The following PKIB variants were observed in gnomAD, a reference collection of about 807,000 sequenced individuals.
The protein encoded by PKIB is PKI-beta.
Under a neutral mutation model 4.5 loss-of-function variants are expected in PKIB, and 2 were observed. The observed-to-expected ratio is 0.44, with a 90% CI of 0.18 to 1.39. PKIB has a LOEUF of 1.39. PKIB is among the 40% of genes most tolerant of loss of function. The pLI is 0.27. For missense variants in PKIB, 94 were observed against 92.6 expected, an observed-to-expected ratio of 1.02 and a Z score of -0.06; for synonymous variants, 38 against 36.0, an observed-to-expected ratio of 1.06 and a Z score of -0.20.
At chr6:122,706,910 T>C (rs1340040278) in intron 3 of PKIB, among the ~76,000 whole-genome samples, 2 of 152,136 alleles carry the variant, frequency 1.3e-5, no homozygotes, top group Non-Finnish European at 2.9e-5. Context: ...TCTGTGAATG[T>C]ATTTTAAAAC....
At chr6:122,616,888 G>A (rs932061540) in intron 1 of PKIB, among the ~76,000 whole-genome samples, 2 of 152,122 alleles carry the variant, frequency 1.3e-5, no homozygotes, top group Non-Finnish European at 2.9e-5. Context: ...CAGTGTTACT[G>A]CTCTATTTTT....
intron 2 of PKIB, among the ~76,000 whole-genome samples, chr6:122,673,125 T>G (rs1002899113): frequency 3.9e-5 from 6 of 152,136 alleles, no homozygotes; most frequent in African/African-American, 1.4e-4. Context: ...CACTCATTTT[T>G]TTTTATTTTG....
intron 2 of PKIB, among the ~76,000 whole-genome samples, chr6:122,567,750 A>G (rs1361889007): frequency 6.6e-6 from 1 of 152,230 alleles, no homozygotes; most frequent in Non-Finnish European, 1.5e-5. Context: ...AAAAATTTTC[A>G]TAAGTGTAAA....
At chr6:122,527,986 T>C (rs905182607) in intron 2 of PKIB, among the ~76,000 whole-genome samples, 1 of 152,182 alleles carries the variant, frequency 6.6e-6, no homozygotes, top group Non-Finnish European at 1.5e-5. Flanking sequence ...CTCCTACTAC[T>C]ATTTTGCTGT....
intron 1 of PKIB, among the ~76,000 whole-genome samples, chr6:122,628,003 CAA>C (rs1176018152): frequency 6.6e-6 from 1 of 150,650 alleles, no homozygotes; most frequent in East Asian, 1.9e-4. Flanking sequence ...TTTTAAAAAA[CAA>C]AATTGTGATT....
intron 2 of PKIB, among the ~76,000 whole-genome samples, chr6:122,561,998 T>TTTTTTTTTTTTTTTTTTTTTTTC (rs1773039125): frequency 1.5e-5 from 2 of 132,824 alleles, no homozygotes; most frequent in African/African-American, 3.2e-5. Flanking sequence ...GTTTTTGTTT[T>TTTTTTTTTTTTTTTTTTTTTTTC]TTTTTGTTTT....
At chr6:122,687,722 T>C (rs1377662073) in intron 3 of PKIB, among the ~76,000 whole-genome samples, 1 of 152,150 alleles carries the variant, frequency 6.6e-6, no homozygotes, top group Non-Finnish European at 1.5e-5. Context: ...TTAGCTATGG[T>C]AAATGAAATT....
At chr6:122,717,710 C>T in intron 3 of PKIB, 77 bp from the exon 4 acceptor site, 1 of 1,411,724 alleles carries the variant, frequency 7.1e-7, no homozygotes, top group Non-Finnish European at 9.8e-7. Context: ...TTTGATCTAG[C>T]CATGCCTTTC....
chr6:122,635,647 C>T (rs1180822991), intron 2 of PKIB, among the ~76,000 whole-genome samples: 1 of 150,658 alleles, frequency 6.6e-6, no homozygotes, highest in Non-Finnish European at 1.5e-5. Flanking sequence ...AAATAGAATA[C>T]AACACATGGT....
chr6:122,684,135 C>T (rs1289345343), intron 3 of PKIB, among the ~76,000 whole-genome samples: 2 of 152,084 alleles, frequency 1.3e-5, no homozygotes, highest in Non-Finnish European at 2.9e-5. Context: ...TTTAAATAAT[C>T]AGATTTGTAG....
At chr6:122,668,827 A>G (rs1777334559) in intron 2 of PKIB, among the ~76,000 whole-genome samples, 1 of 152,228 alleles carries the variant, frequency 6.6e-6, no homozygotes, top group Non-Finnish European at 1.5e-5. Context: ...ATTAACTTCA[A>G]AGCTTAATGT....
intron 3 of PKIB, among the ~76,000 whole-genome samples, chr6:122,599,442 G>T (rs1186324075): frequency 6.6e-6 from 1 of 152,066 alleles, no homozygotes; most frequent in African/African-American, 2.4e-5. Flanking sequence ...TTCATTGCAG[G>T]TCAGCCACTC....
upstream of PKIB, among the ~76,000 whole-genome samples, chr6:122,606,609 T>G (rs1167324717): frequency 6.8e-6 from 1 of 147,616 alleles, no homozygotes; most frequent in East Asian, 2.0e-4. Flanking sequence ...CAAAAGAGGG[T>G]TCTCCCCTGA....
chr6:122,497,485 C>T (rs1254491909), intron 2 of PKIB, among the ~76,000 whole-genome samples: 3 of 152,078 alleles, frequency 2.0e-5, no homozygotes, highest in Non-Finnish European at 4.4e-5. Context: ...AGACTCAGCC[C>T]ACATGTAACG....
At chr6:122,585,751 C>T in intron 2 of PKIB, among the ~76,000 whole-genome samples, 1 of 152,060 alleles carries the variant, frequency 6.6e-6, no homozygotes, top group Non-Finnish European at 1.5e-5. Context: ...CTGCTTCCTC[C>T]AAGCATTTTG....
chr6:122,659,987 A>ATGATATTAAAATATTC (rs1222024301), intron 2 of PKIB, among the ~76,000 whole-genome samples: 3 of 152,260 alleles, frequency 2.0e-5, no homozygotes, highest in African/African-American at 7.2e-5. Context: ...CCAGTGCAGC[A>ATGATATTAAAATATTC]TGATATTAAA....
chr6:122,725,276 GGT>G lies in PKIB; in HGVS notation c.*83_*84del. The G allele has an allele frequency of 1.7e-6, 2 of 1,153,082 alleles. No homozygotes were observed. The highest frequency in any genetic ancestry group is 2.5e-6 in the Non-Finnish European group (2 of 793,376). The allele number at this position is 1,153,082 out of a possible 1,614,324, so 71.4% of individuals were successfully genotyped here. ...TCTGTTTTCTTGAGACATTTAATCT[GGT>G]GGTAACTGTGGTAACATTGCAGCCC... On this transcript the variant is annotated 3_prime_UTR_variant, in exon 5 of 5. Transcript: ENST00000368452.
intron 2 of PKIB, among the ~76,000 whole-genome samples, chr6:122,486,512 G>A (rs867438145): frequency 2.0e-5 from 3 of 151,766 alleles, no homozygotes; most frequent in Non-Finnish European, 4.4e-5. Context: ...CATCCTCTAT[G>A]TTCCAATAGT....
chr6:122,629,501 T>A (rs1001813278), intron 1 of PKIB, among the ~76,000 whole-genome samples: 1 of 152,142 alleles, frequency 6.6e-6, no homozygotes, highest in African/African-American at 2.4e-5. Context: ...AGACACAACA[T>A]CCTCAAAGAG....
Sources: allele counts gnomAD v4.1 joint callset (sites outside exome capture counted in the v4.1 genomes callset), GRCh38; gene constraint gnomAD v4.1.1; transcripts MANE v1.5; gene names NCBI Gene and HGNC (gene_info 2026-07-23, HGNC 2026-07-21).